CPNE7: variants seen among roughly 807,000 people sequenced by gnomAD.
The protein encoded by CPNE7 is copine-7.
CPNE7 carries 78 observed loss-of-function variants against 66.5 expected under a neutral mutation model. The ratio of observed to expected loss-of-function variants is 1.17; its 90% confidence interval spans 0.98 to 1.42. The LOEUF is 1.42. CPNE7 is among the 40% of genes most tolerant of loss of function. The pLI is 0.00. For missense variants in CPNE7, 1,012 were observed against 776.6 expected, an observed-to-expected ratio of 1.30 and a Z score of -3.60; for synonymous variants, 468 against 336.7, an observed-to-expected ratio of 1.39 and a Z score of -4.27.
chr16:89,583,638 C>T, intron 2 of CPNE7, 59 bp from the exon 3 acceptor site: 1 of 1,609,892 alleles, frequency 6.2e-7, no homozygotes. Flanking sequence ...GCGGTGGGGT[C>T]TCCAGGGTCA....
At position 89,595,570 on chromosome 16, in the gene CPNE7, C is replaced by A. The variant is rs370602038; in HGVS notation, c.1506C>A (p.Ile502=). Residue 502 remains isoleucine, a synonymous_variant, in exon 14 of 15, where the codon ATC becomes ATA. Coordinates refer to ENST00000319518, the MANE Select transcript of CPNE7 (RefSeq NM_153636.3). ...SPRGEPALRD[I]VQFVPFRELK... is the part of the protein sequence containing the mutation. ...GGGGTGAGCCCGCGCTCCGGGACAT[C>A]GTACAGTTCGTGCCCTTCCGGGAGC... is the stretch of plus-strand genomic sequence containing the variant. 2 of 1,610,468 alleles carry A rather than the reference C, an allele frequency of 1.2e-6. No homozygotes were observed. The highest frequency in any genetic ancestry group is 2.7e-5 in the African/African-American group (2 of 74,900).
At chr16:89,589,784 C>T in intron 10 of CPNE7, 113 bp from the exon 11 acceptor site, 1 of 1,141,260 alleles carries the variant, frequency 8.8e-7, no homozygotes, top group Non-Finnish European at 1.3e-6. Flanking sequence ...TGCCGTGGTA[C>T]CAGGCCTGGG....
chr16:89,577,967 C>A (rs745957298), intron 2 of CPNE7, among the ~76,000 whole-genome samples: 2 of 152,204 alleles, frequency 1.3e-5, no homozygotes, highest in African/African-American at 4.8e-5. Context: ...CATCCTGCCC[C>A]ATCCAGCTGC....
rs1169076608 is a variant in CPNE7 at position 89,585,474 on chromosome 16, A to T, written c.602A>T (p.Asn201Ile). 2.5e-6 allele frequency: 4 copies of T among 1,611,462 alleles called. No homozygotes were observed. Among genetic ancestry groups the T allele is most frequent in the Admixed American group, 1.7e-5 (1 of 59,916 alleles). ...CCTCCCGGCCCACAGGTGGTGAAGA[A>T]CAACCTGAACCCGGTGTGGGAGGCC... ...QLVYRTEVVK[N>I]NLNPVWEAFK... The change falls in exon 6 of 15, where the codon AAC (asparagine) becomes ATC (isoleucine). Residue 201 changes from asparagine to isoleucine, a missense_variant. Physicochemically the swap from Asn to Ile is moderately radical, Grantham distance 149 (BLOSUM62 -3). Coordinates refer to ENST00000319518, the MANE Select transcript of CPNE7 (RefSeq NM_153636.3).
chr16:89,595,642 G>C, intron 14 of CPNE7, 39 bp downstream of exon 14: 1 of 1,551,492 alleles, frequency 6.4e-7, no homozygotes. Context: ...GCCGGCTTGG[G>C]GGTCCCTGTT....
intron 14 of CPNE7, chr16:89,595,838 C>T (rs1461687020): frequency 6.0e-6 from 4 of 663,438 alleles, no homozygotes; most frequent in African/African-American, 1.8e-5. Flanking sequence ...AAGCAGAGAA[C>T]AGCACAAGGG....
chr16:89,588,781 T>C lies in CPNE7; in HGVS notation c.1034T>C (p.Val345Ala), dbSNP rs1241609245. The C allele has an allele frequency of 3.1e-6, 5 of 1,613,666 alleles. No individual in the cohort carries two copies. In the East Asian group the frequency reaches 1.1e-4, roughly 36 times the overall value. The change falls in exon 10 of 15, where the codon GTG becomes GCG. Residue 345 changes from valine to alanine, a missense_variant. By Grantham distance (64) the Val-to-Ala change is moderately conservative. Coordinates refer to ENST00000319518, the MANE Select transcript of CPNE7 (RefSeq NM_153636.3). ...GAGTACCTGAAGGCACTGGTGTCCG[T>C]GGGCGAGATCTGCCAGGACTATGAC... Reference protein sequence around the residue: ...PNEYLKALVSVGEICQDYDSD... With the variant: ...PNEYLKALVSAGEICQDYDSD...
chr16:89,580,623 C>A (rs2058939445), intron 2 of CPNE7, among the ~76,000 whole-genome samples: 1 of 129,868 alleles, frequency 7.7e-6, no homozygotes, highest in Non-Finnish European at 1.7e-5. Flanking sequence ...CACGGAACAT[C>A]TCACCTGTCA....
intron 1 of CPNE7, 50 bp from the exon 2 acceptor site, chr16:89,577,488 GC>G: frequency 6.5e-7 from 1 of 1,535,744 alleles, no homozygotes; most frequent in Non-Finnish European, 8.8e-7. Context: ...GAGGTCTGGA[GC>G]CCGGGGTGGA....
Position 89,575,787 on chromosome 16 carries a change from G to C in CPNE7, c.-111G>C. The C allele has an allele frequency of 1.2e-6, 1 of 817,982 alleles. No individual in the cohort carries two copies. The highest frequency in any genetic ancestry group is 1.5e-6 in the Non-Finnish European group (1 of 667,956). The allele number at this position is 817,982 out of a possible 1,614,324, so 50.7% of individuals were successfully genotyped here. On this transcript the variant is annotated 5_prime_UTR_variant, in exon 1 of 15. Transcript: ENST00000319518. ...GCGCCCGCGCCCGGCAGGCGTTCAG[G>C]GAAGCGCGGCCACGCCTGGGCCGGC...
At chr16:89,595,796 C>T (rs1481621496) in intron 14 of CPNE7, 193 bp downstream of exon 14, 4 of 700,548 alleles carry the variant, frequency 5.7e-6, no homozygotes, top group Admixed American at 4.0e-5. Context: ...GAAACACCCT[C>T]CACCGTTTTG....
Position 89,579,848 on chromosome 16 carries a change from C to G in CPNE7, c.357+2127C>G, listed in dbSNP as rs1438512293. Among the ~76,000 whole-genome samples the G allele has an allele frequency of 1.5e-4, 5 of 34,318 alleles. 2 individuals carry two copies. The highest frequency in any genetic ancestry group is 4.3e-4 in the Non-Finnish European group (5 of 11,542). 22.5% of individuals were successfully genotyped at this position (34,318 alleles called of 152,430 possible). On this transcript the variant is annotated intron_variant, in intron 2 of 14. Transcript: ENST00000319518. ...ATCCCACACCCATCACACGGAACAT[C>G]TCACCCATCACACGGAACATCCCGT... is the stretch of plus-strand genomic sequence containing the variant.
Position 89,575,957 on chromosome 16 carries a change from C to T in CPNE7, c.60C>T (p.Cys20=), listed in dbSNP as rs1443208640. 10 of 1,349,998 alleles carry T rather than the reference C, an allele frequency of 7.4e-6. No individual in the cohort carries two copies. Among genetic ancestry groups the T allele is most frequent in the Non-Finnish European group, 8.6e-6 (9 of 1,049,928 alleles). 83.6% of individuals were successfully genotyped at this position (1,349,998 alleles called of 1,614,324 possible). A position where few individuals can be genotyped will look rare whatever the true frequency, so the allele number is the denominator to read the frequency against. The change falls in exon 1 of 15, where the codon TGC becomes TGT. Residue 20 remains cysteine (C), a synonymous_variant. Coordinates refer to ENST00000319518, the MANE Select transcript of CPNE7 (RefSeq NM_153636.3). The stretch of plus-strand genomic sequence containing the variant: ...CCCCCGGGGGTTTGCCCGCGCCCTG[C>T]GCCTCGAAGGTGGAGCTGCGGCTCA... ...AATPGGLPAP[C]ASKVELRLSC... is the part of the protein sequence containing the mutation.
In CPNE7 at chr16:89,584,118, G is replaced by A. The variant is rs374891758; in HGVS notation, c.507+16G>A. 2.8e-5 allele frequency: 45 copies of A among 1,604,280 alleles called. No individual in the cohort carries two copies. Among genetic ancestry groups the A allele is most frequent in the African/African-American group, 1.3e-4 (10 of 74,488 alleles). On this transcript the variant is annotated intron_variant, in intron 4 of 14. Transcript: ENST00000319518. The surrounding 1 kb of genome is among the most constrained non-coding windows in gnomAD (Gnocchi z 6.0). ...GGACGACAAGGTGAGTGCAGGTGCCGGGCACGCCTGGCTCAGGCTGAGGTC... is the reference window on the plus strand; with the variant it reads ...GGACGACAAGGTGAGTGCAGGTGCCAGGCACGCCTGGCTCAGGCTGAGGTC...
At chr16:89,592,491 A>G (rs1369102902) in intron 13 of CPNE7, among the ~76,000 whole-genome samples, 4 of 144,328 alleles carry the variant, frequency 2.8e-5, no homozygotes, top group Admixed American at 2.1e-4. Flanking sequence ...TCTGTCACCC[A>G]AGCTGTAGTG....
At chr16:89,587,498 C>G (rs1335130103) in intron 9 of CPNE7, 2 of 450,042 alleles carry the variant, frequency 4.4e-6, no homozygotes, top group African/African-American at 2.1e-5. Flanking sequence ...CAGCCCCAAG[C>G]CCGCCTTGGG....
At chr16:89,593,566 A>T (rs1022085971) in intron 13 of CPNE7, among the ~76,000 whole-genome samples, 1 of 151,714 alleles carries the variant, frequency 6.6e-6, no homozygotes, top group African/African-American at 2.4e-5. Flanking sequence ...GTTAGCCAGG[A>T]TGGTCTCGAT....
At chr16:89,586,116 T>C (rs1011712190) in intron 7 of CPNE7, among the ~76,000 whole-genome samples, 1 of 151,606 alleles carries the variant, frequency 6.6e-6, no homozygotes, top group African/African-American at 2.4e-5. Context: ...GCTACGCCTG[T>C]GTTGGCCCTG....
At chr16:89,586,806 G>C in intron 8 of CPNE7, 50 bp downstream of exon 8, 1 of 1,485,626 alleles carries the variant, frequency 6.7e-7, no homozygotes, top group Non-Finnish European at 9.4e-7. Flanking sequence ...AGGGGCTTCC[G>C]CTGCCTCCCT....
Sources: allele counts gnomAD v4.1 joint callset (sites outside exome capture counted in the v4.1 genomes callset), GRCh38; gene constraint gnomAD v4.1.1; non-coding constraint Gnocchi (gnomAD v3.1); transcripts MANE v1.5; gene names NCBI Gene and HGNC (gene_info 2026-07-23, HGNC 2026-07-21).